ROBO1: variants seen among roughly 807,000 people sequenced by gnomAD.
ROBO1 encodes the protein roundabout homolog 1.
A neutral mutation model predicts 195.9 loss-of-function variants in ROBO1; 149 were observed. That is an observed-to-expected ratio of 0.76 (90% CI 0.67 to 0.87). The LOEUF (loss-of-function observed/expected upper bound fraction) is 0.87. ROBO1 is among the 40% of genes least tolerant of loss of function. ROBO1 has a pLI of 0.00. For missense variants in ROBO1, 1,933 were observed against 2,068.3 expected (o/e 0.93, Z 1.27); for synonymous variants, 816 against 733.2 (o/e 1.11, Z -1.82).
intron 2 of ROBO1, among the ~76,000 whole-genome samples, chr3:79,429,151 T>C (rs1479149863): frequency 6.6e-6 from 1 of 152,098 alleles, no homozygotes; most frequent in East Asian, 1.9e-4. Flanking sequence ...AAACTAGAAA[T>C]ACGTGCATAT....
chr3:79,754,125 A>C lies in ROBO1; in HGVS notation c.-51+13627T>G, dbSNP rs374310301. Among the ~76,000 whole-genome samples the C allele has an allele frequency of 2.0e-5, 3 of 152,194 alleles. No individual in the cohort carries two copies. In the East Asian group the frequency reaches 5.8e-4, roughly 29 times the overall value. On this transcript the variant is annotated intron_variant, in intron 1 of 30. Coordinates refer to ENST00000464233, the MANE Select transcript of ROBO1 (RefSeq NM_002941.4). The stretch of plus-strand genomic sequence containing the variant: ...ATTGAAATAATTATAAAAATAGGTA[A>C]AGAAGTCAATTATTAAAGAGGTTGG...
At chr3:78,882,527 G>A (rs1311985344) in intron 4 of ROBO1, among the ~76,000 whole-genome samples, 1 of 152,018 alleles carries the variant, frequency 6.6e-6, no homozygotes, top group Non-Finnish European at 1.5e-5. Flanking sequence ...AGGCCATCAT[G>A]CTGAATGAAA....
intron 2 of ROBO1, among the ~76,000 whole-genome samples, chr3:79,292,395 C>T (rs1356039463): frequency 2.6e-5 from 4 of 152,142 alleles, no homozygotes; most frequent in African/African-American, 7.2e-5. Context: ...TTTCCCTGGC[C>T]AGAACTTCCA....
chr3:78,685,990 T>G (rs945334043), intron 9 of ROBO1, 73 bp from the exon 10 acceptor site: 3 of 1,227,374 alleles, frequency 2.4e-6, no homozygotes, highest in African/African-American at 3.1e-5. Flanking sequence ...TTGGCACTTA[T>G]GCATTTACAT....
At chr3:78,910,580 A>G (rs2107532464) in intron 4 of ROBO1, among the ~76,000 whole-genome samples, 1 of 152,066 alleles carries the variant, frequency 6.6e-6, no homozygotes, top group Non-Finnish European at 1.5e-5. Context: ...GAAAACTCCA[A>G]AGTGGATAAA....
intron 3 of ROBO1, among the ~76,000 whole-genome samples, chr3:79,000,877 C>T (rs1026171000): frequency 6.6e-5 from 10 of 152,102 alleles, no homozygotes; most frequent in Non-Finnish European, 1.0e-4. Flanking sequence ...AACCCAAATG[C>T]CCATCAATGA....
chr3:79,253,776 G>A (rs932835770), intron 2 of ROBO1, among the ~76,000 whole-genome samples: 6 of 152,176 alleles, frequency 3.9e-5, no homozygotes, highest in Non-Finnish European at 5.9e-5. Flanking sequence ...TATCTTAGAC[G>A]CTAAGATTTA....
In ROBO1 at chr3:79,763,832, G is replaced by A. The variant is rs540681140; in HGVS notation, c.-51+3920C>T. ...GAAATGCAGATAATGCTTTGGACAT[G>A]AAAAAGATATCAAGGAGATTAAAAA... On this transcript the variant is annotated intron_variant, in intron 1 of 30. Transcript: ENST00000464233. Among the ~76,000 whole-genome samples, 7 of 152,238 alleles carry A rather than the reference G, an allele frequency of 4.6e-5. No individual in the cohort carries two copies. In the South Asian group the frequency reaches 1.5e-3, roughly 32 times the overall value.
At chr3:79,760,265 A>AAAAAAAAAAAAAAC (rs1704623315) in intron 1 of ROBO1, among the ~76,000 whole-genome samples, 1 of 146,576 alleles carries the variant, frequency 6.8e-6, no homozygotes, top group Non-Finnish European at 1.5e-5. Context: ...AAAAAAAAAA[A>AAAAAAAAAAAAAAC]AAAAAAGCAC....
At chr3:79,311,425 T>G (rs2033478420) in intron 2 of ROBO1, among the ~76,000 whole-genome samples, 1 of 152,232 alleles carries the variant, frequency 6.6e-6, no homozygotes, top group Admixed American at 6.5e-5. Context: ...GAATTTCTAA[T>G]TTAAATTCTT....
intron 2 of ROBO1, among the ~76,000 whole-genome samples, chr3:79,570,185 C>A (rs570703629): frequency 6.6e-6 from 1 of 151,546 alleles, no homozygotes; most frequent in East Asian, 1.9e-4. Context: ...AATAGGTGAA[C>A]AATTTCCTAT....
chr3:79,256,074 T>A (rs771275634), intron 2 of ROBO1, among the ~76,000 whole-genome samples: 1 of 152,130 alleles, frequency 6.6e-6, no homozygotes, highest in Admixed American at 6.6e-5. Context: ...CACACACAAT[T>A]TTCATTCTAA....
intron 2 of ROBO1, among the ~76,000 whole-genome samples, chr3:79,324,139 A>G (rs565518020): frequency 1.3e-5 from 2 of 152,228 alleles, no homozygotes; most frequent in East Asian, 3.9e-4. Flanking sequence ...TTTCAAATTG[A>G]CCTCACACTG....
chr3:79,540,843 A>G (rs535297183), intron 2 of ROBO1, among the ~76,000 whole-genome samples: 26 of 152,132 alleles, frequency 1.7e-4, no homozygotes, highest in Non-Finnish European at 3.5e-4. Context: ...TGTCATGTCT[A>G]CGTAATATTT....
In ROBO1 at chr3:79,226,430, C is replaced by G. The variant is rs140716589; in HGVS notation, c.89-100891G>C. On this transcript the variant is annotated intron_variant, in intron 2 of 30. Transcript: ENST00000464233. ...CAAGTCTTCTTTGAGCTCCTGTAAA[C>G]AACTTCCATTTCTGTCTTCACCCTG... 8.4e-4 allele frequency among the ~76,000 whole-genome samples: 128 copies of G among 152,292 alleles called. 1 individual carries two copies. The highest frequency in any genetic ancestry group is 2.8e-3 in the African/African-American group (118 of 41,564).
chr3:78,823,918 CATGT>C (rs1025524158), intron 4 of ROBO1, among the ~76,000 whole-genome samples: 178 of 151,962 alleles, frequency 1.2e-3, no homozygotes, highest in African/African-American at 3.7e-3. Flanking sequence ...CATGAGCATG[CATGT>C]GTGTGTACCT....
At chr3:79,332,714 C>G (rs1261594918) in intron 2 of ROBO1, among the ~76,000 whole-genome samples, 2 of 152,148 alleles carry the variant, frequency 1.3e-5, no homozygotes, top group African/African-American at 4.8e-5. Flanking sequence ...ATATTTACTG[C>G]ATCACTCAAA....
chr3:79,594,383 C>T lies in ROBO1; in HGVS notation c.-50-4422G>A, dbSNP rs1322683551. On this transcript the variant is annotated intron_variant, in intron 1 of 30. Transcript: ENST00000464233. ...ACATAAAGTGCCTATTTTTAAAATA[C>T]TAAGAGTGTATATACATATGGCTTT... is the stretch of plus-strand genomic sequence containing the variant. Among the ~76,000 whole-genome samples, 3 of 151,910 alleles carry T rather than the reference C, an allele frequency of 2.0e-5. No individual in the cohort carries two copies. The East Asian group carries it at 5.8e-4, about 29-fold the overall frequency.
intron 4 of ROBO1, among the ~76,000 whole-genome samples, chr3:78,769,791 C>A (rs565077279): frequency 5.5e-4 from 84 of 151,962 alleles, no homozygotes; most frequent in Non-Finnish European, 1.1e-3. Context: ...ATTCTCTCAG[C>A]CTTTGTTTGT....
Sources: allele counts gnomAD v4.1 joint callset (sites outside exome capture counted in the v4.1 genomes callset), GRCh38; gene constraint gnomAD v4.1.1; transcripts MANE v1.5; gene names NCBI Gene and HGNC (gene_info 2026-07-23, HGNC 2026-07-21).